ITPKB: variants seen among roughly 807,000 people sequenced by gnomAD.
The protein encoded by ITPKB is inositol-trisphosphate 3-kinase B, also known as IP3 3-kinase B.
A neutral mutation model predicts 69.4 loss-of-function variants in ITPKB; 13 were observed. That is an observed-to-expected ratio of 0.19 (90% CI 0.12 to 0.30). The LOEUF (loss-of-function observed/expected upper bound fraction) is 0.30, where lower values mean the gene tolerates loss of function less well. ITPKB is among the 10% of genes least tolerant of loss of function. The pLI is 1.00. For missense variants in ITPKB, 1,240 were observed against 1,250.5 expected (o/e 0.99, Z 0.13); for synonymous variants, 584 against 513.7 (o/e 1.14, Z -1.85).
intron 2 of ITPKB, among the ~76,000 whole-genome samples, chr1:226,671,312 C>G (rs1294108059): frequency 6.6e-6 from 1 of 152,182 alleles, no homozygotes; most frequent in Non-Finnish European, 1.5e-5. Flanking sequence ...AACCCTTCCA[C>G]AAAGAACAGA....
At chr1:226,678,860 T>C (rs754671965) in intron 2 of ITPKB, among the ~76,000 whole-genome samples, 4 of 152,078 alleles carry the variant, frequency 2.6e-5, no homozygotes, top group Non-Finnish European at 2.9e-5. Flanking sequence ...GAAGTGACAA[T>C]AGAGGTATCA....
At chr1:226,695,871 A>G (rs1325146139) in intron 2 of ITPKB, among the ~76,000 whole-genome samples, 1 of 152,204 alleles carries the variant, frequency 6.6e-6, no homozygotes, top group Non-Finnish European at 1.5e-5. Flanking sequence ...CCAGGGGGCA[A>G]GACAGTAAGA....
chr1:226,661,430 TG>T (rs1463214056), intron 2 of ITPKB, among the ~76,000 whole-genome samples: 1 of 152,252 alleles, frequency 6.6e-6, no homozygotes, highest in Non-Finnish European at 1.5e-5. Flanking sequence ...TGAGACAACT[TG>T]CCCAAGGTTC....
Position 226,736,158 on chromosome 1 carries a change from C to T in ITPKB, c.1301G>A (p.Gly434Glu). 1 of 1,559,460 alleles carries T rather than the reference C, an allele frequency of 6.4e-7. No homozygotes were observed. The highest frequency in any genetic ancestry group is 1.2e-5 in the South Asian group (1 of 81,980). Residue 434 changes from glycine to glutamate, a missense_variant, in exon 2 of 8, where the codon GGG becomes GAG. Physicochemically the swap from Gly to Glu is moderately conservative, Grantham distance 98. Transcript: ENST00000429204. Reference protein sequence around the residue: ...EEARSGAPVGGGRWQLSDRVE... With the variant: ...EEARSGAPVGEGRWQLSDRVE... ...TCTGTCGGAGAGCTGCCAACGCCCC[C>T]CGCCCACGGGGGCCCCACTTCGGGC... is the stretch of plus-strand genomic sequence containing the variant.
intron 2 of ITPKB, among the ~76,000 whole-genome samples, chr1:226,732,884 TC>T (rs1657634105): frequency 6.6e-6 from 1 of 152,168 alleles, no homozygotes; most frequent in African/African-American, 2.4e-5. Context: ...AAGTGTCTGA[TC>T]CCTACTAAGC....
chr1:226,645,163 T>C (rs886861225), intron 4 of ITPKB, among the ~76,000 whole-genome samples: 2 of 152,218 alleles, frequency 1.3e-5, no homozygotes, highest in Non-Finnish European at 2.9e-5. Flanking sequence ...GGATAAATAA[T>C]GGAAGCATCT....
At chr1:226,707,730 T>C in intron 2 of ITPKB, 1 of 1,049,322 alleles carries the variant, frequency 9.5e-7, no homozygotes, top group Admixed American at 5.6e-5. Flanking sequence ...AGTAAGACAA[T>C]ATCAAACTAC....
intron 2 of ITPKB, among the ~76,000 whole-genome samples, chr1:226,689,411 C>T (rs898196483): frequency 6.6e-6 from 1 of 152,228 alleles, no homozygotes; most frequent in African/African-American, 2.4e-5. Context: ...ATCCAACCAG[C>T]AGCCGCTGCT....
intron 2 of ITPKB, among the ~76,000 whole-genome samples, chr1:226,658,574 A>G (rs184302299): frequency 8.1e-4 from 124 of 152,322 alleles, no homozygotes; most frequent in Middle Eastern, 6.8e-3. Flanking sequence ...TTTAACAAAC[A>G]AGAAAATCCC....
At chr1:226,661,667 T>A (rs1007867100) in intron 2 of ITPKB, among the ~76,000 whole-genome samples, 4 of 152,196 alleles carry the variant, frequency 2.6e-5, no homozygotes, top group African/African-American at 9.7e-5. Flanking sequence ...AGTATTGTTT[T>A]CAGGGTTAAA....
intron 2 of ITPKB, among the ~76,000 whole-genome samples, chr1:226,668,647 T>C (rs1669551436): frequency 6.6e-6 from 1 of 152,248 alleles, no homozygotes; most frequent in African/African-American, 2.4e-5. Flanking sequence ...TTGTTGTGAA[T>C]TTCTGCCAAA....
At chr1:226,726,056 G>A (rs1291717869) in intron 2 of ITPKB, among the ~76,000 whole-genome samples, 1 of 152,132 alleles carries the variant, frequency 6.6e-6, no homozygotes, top group African/African-American at 2.4e-5. Context: ...ATTTAGGCAG[G>A]AAATAATTCA....
intron 2 of ITPKB, among the ~76,000 whole-genome samples, chr1:226,720,629 T>C (rs1423999988): frequency 1.3e-5 from 2 of 152,242 alleles, no homozygotes; most frequent in African/African-American, 2.4e-5. Flanking sequence ...TCTGAAATCA[T>C]TGCTGCTATT....
chr1:226,665,804 G>C, intron 2 of ITPKB, among the ~76,000 whole-genome samples: 1 of 152,200 alleles, frequency 6.6e-6, no homozygotes, highest in South Asian at 2.1e-4. Context: ...TTAGAACCCG[G>C]GATGGTTGGC....
At chr1:226,643,474 G>C (rs780311270) in intron 4 of ITPKB, among the ~76,000 whole-genome samples, 1 of 152,122 alleles carries the variant, frequency 6.6e-6, no homozygotes, top group South Asian at 2.1e-4. Flanking sequence ...TGCCCACAGA[G>C]GCCCCGCCCG....
chr1:226,731,213 T>C (rs1230677037), intron 2 of ITPKB, among the ~76,000 whole-genome samples: 1 of 152,230 alleles, frequency 6.6e-6, no homozygotes, highest in Non-Finnish European at 1.5e-5. Context: ...CCCTGCTTTT[T>C]GTTTTTAAAC....
chr1:226,634,886 C>G lies in ITPKB; in HGVS notation c.2626G>C (p.Val876Leu), dbSNP rs577260600. 6.2e-7 allele frequency: 1 copy of G among 1,611,404 alleles called. No homozygotes were observed. The highest frequency in any genetic ancestry group is 1.7e-5 in the Admixed American group (1 of 59,868). Residue 876 changes from valine (V) to leucine (L), a missense_variant and splice_region_variant, in exon 8 of 8, where the codon GTC (valine) becomes CTC (leucine). Physicochemically the swap from Val to Leu is conservative, Grantham distance 32. This residue lies in a region of ITPKB where 248 missense variants were observed against 396.7 expected (regional missense o/e 0.63). Coordinates refer to ENST00000429204, the MANE Select transcript of ITPKB (RefSeq NM_002221.4). This position sits in a 1 kb window ranked among gnomAD's most constrained non-coding sequence, Gnocchi z 6.3. ...ATGAAGAGGAGGGAGCTGCCAATGA[C>G]CTGAGGAGAACATGGGGGTGAAGGG... ...EVSPFFKCHE[V>L]IGSSLLFIHD...
At chr1:226,728,093 T>A (rs1657477371) in intron 2 of ITPKB, among the ~76,000 whole-genome samples, 1 of 152,140 alleles carries the variant, frequency 6.6e-6, no homozygotes, top group African/African-American at 2.4e-5. Context: ...AAAAAAAACA[T>A]CTCCTCCCAC....
At chr1:226,662,373 AAC>A (rs1312921758) in intron 2 of ITPKB, among the ~76,000 whole-genome samples, 2 of 152,220 alleles carry the variant, frequency 1.3e-5, no homozygotes, top group African/African-American at 2.4e-5. Flanking sequence ...TGCTAAAGGA[AAC>A]ACACTTACTT....
Sources: gnomAD v4.1 joint callset for allele counts (sites outside exome capture counted in the v4.1 genomes callset) on GRCh38, gnomAD v4.1.1 for gene constraint, gnomAD v4.1.1 regional missense constraint, Gnocchi (gnomAD v3.1) non-coding constraint, MANE v1.5 for transcripts, NCBI Gene and HGNC (gene_info 2026-07-23, HGNC 2026-07-21) for gene names.